Variants in POLA1 observed in about 807,000 individuals in gnomAD.
The protein encoded by POLA1 is DNA polymerase alpha 1, catalytic subunit.
POLA1 carries 15 observed loss-of-function variants against 124.0 expected under a neutral mutation model. That is an observed-to-expected ratio of 0.12 (90% CI 0.08 to 0.19). POLA1 has a LOEUF of 0.19. Among genes scored for constraint, POLA1 ranks in the 10% least tolerant of loss-of-function variants. The pLI is 1.00. For synonymous variants in POLA1, 408 were observed against 389.4 expected, an observed-to-expected ratio of 1.05 and a Z score of -0.56; for missense variants, 886 against 1,103.4, an observed-to-expected ratio of 0.80 and a Z score of 2.79.
intron 36 of POLA1, among the ~76,000 whole-genome samples, chrX:24,967,059 C>T (rs2048231511): frequency 9.0e-6 from 1 of 110,986 alleles, no homozygotes; most frequent in Non-Finnish European, 1.9e-5. Context: ...CTCTAAATGT[C>T]ATGATTCATG....
Position 24,743,346 on chromosome X carries a change from A to C in POLA1, c.2566+17A>C, listed in dbSNP as rs751436991. ...CCAAAGTTGGTAAGGCTGGGCAGTGAATTGGTTTTCTCCCAGTATTAAGGA... is the reference window on the plus strand; with the variant it reads ...CCAAAGTTGGTAAGGCTGGGCAGTGCATTGGTTTTCTCCCAGTATTAAGGA... On this transcript the variant is annotated intron_variant, in intron 23 of 36. Coordinates refer to ENST00000379068, the MANE Select transcript of POLA1 (RefSeq NM_001330360.2). The C allele has an allele frequency of 1.1e-6, 1 of 914,665 alleles. No homozygotes were observed. The highest frequency in any genetic ancestry group is 1.6e-6 in the Non-Finnish European group (1 of 636,664). 75.4% of individuals were successfully genotyped at this position (914,665 alleles called of 1,213,427 possible).
chrX:24,863,959 T>TA (rs1387539500), intron 34 of POLA1, among the ~76,000 whole-genome samples: 1 of 26,885 alleles, frequency 3.7e-5, no homozygotes, highest in Non-Finnish European at 6.4e-5. Context: ...TTTCTGGAAC[T>TA]ATTTATTTAT....
chrX:24,809,374 A>G (rs2045860305), intron 26 of POLA1, among the ~76,000 whole-genome samples: 1 of 111,753 alleles, frequency 8.9e-6, no homozygotes, highest in South Asian at 3.8e-4. Flanking sequence ...GTTCGTCTTA[A>G]TTCACTGAAT....
At chrX:24,983,950 C>A (rs909845209) in intron 36 of POLA1, among the ~76,000 whole-genome samples, 2 of 111,656 alleles carry the variant, frequency 1.8e-5, no homozygotes, top group African/African-American at 6.5e-5. Context: ...TCCCTGCTTC[C>A]GTCTGCAAAA....
chrX:24,739,717 A>T (rs1931519500), intron 20 of POLA1, among the ~76,000 whole-genome samples, 167 bp downstream of exon 20: 2 of 111,869 alleles, frequency 1.8e-5, no homozygotes. Flanking sequence ...AATTATTGTA[A>T]TTGATCAGTT....
At chrX:24,955,422 C>T (rs2147253139) in intron 36 of POLA1, among the ~76,000 whole-genome samples, 1 of 110,252 alleles carries the variant, frequency 9.1e-6, no homozygotes, top group African/African-American at 3.3e-5. Context: ...TCAAGCAGTC[C>T]TCTCACCTTG....
chrX:24,950,267 G>A (rs1451051054), intron 36 of POLA1, among the ~76,000 whole-genome samples: 3 of 112,204 alleles, frequency 2.7e-5, no homozygotes, highest in African/African-American at 6.5e-5. Context: ...AATGGTAGAA[G>A]TGTTCTGTAT....
At chrX:24,905,109 T>C (rs1324550115) in intron 35 of POLA1, among the ~76,000 whole-genome samples, 1 of 106,371 alleles carries the variant, frequency 9.4e-6, no homozygotes, top group African/African-American at 3.5e-5. Context: ...ACCAAAGACA[T>C]GGAGAACTGA....
At chrX:24,959,189 G>A (rs775059206) in intron 36 of POLA1, among the ~76,000 whole-genome samples, 1 of 111,761 alleles carries the variant, frequency 8.9e-6, no homozygotes, top group Non-Finnish European at 1.9e-5. Flanking sequence ...TTTGTGGCCA[G>A]GCACGGTGGC....
At position 24,717,643 on chromosome X, in the gene POLA1, A is replaced by G. The variant is rs772421701; in HGVS notation, c.972A>G (p.Ser324=). The change falls in exon 10 of 37, where the codon TCA becomes TCG. Residue 324 remains serine (S), a synonymous_variant. Transcript: ENST00000379068. ...ATCAAGAAGGTGATAGCAGTTTCTC[A>G]GTGCAAGAAGTTCAAGTGGATTCCA... is the stretch of plus-strand genomic sequence containing the variant. ...DIDQEGDSSF[S]VQEVQVDSSH... is the part of the protein sequence containing the mutation. 6.6e-6 allele frequency: 8 copies of G among 1,206,124 alleles called. No individual in the cohort carries two copies. In the East Asian group the frequency reaches 2.1e-4, roughly 31 times the overall value.
intron 32 of POLA1, among the ~76,000 whole-genome samples, chrX:24,835,937 C>T (rs2046336387): frequency 1.8e-5 from 2 of 111,200 alleles, no homozygotes; most frequent in Admixed American, 1.9e-4. Context: ...CAGAAAAGTA[C>T]ACAAAACCTA....
rs777656002 is a variant in POLA1 at position 24,716,945 on chromosome X, T to A, written c.680T>A (p.Val227Asp). ...AGAAAGGAGCCTCCATTAACTCCTG[T>A]TCCTCTTAAACGTGCTGAATTTGCT... Reference protein sequence around the residue: ...VSRKEPPLTPVPLKRAEFAGD... With the variant: ...VSRKEPPLTPDPLKRAEFAGD... Residue 227 changes from valine to aspartate, a missense_variant, in exon 8 of 37, where the codon GTT (valine) becomes GAT (aspartate). Coordinates refer to ENST00000379068, the MANE Select transcript of POLA1 (RefSeq NM_001330360.2). 1.7e-6 allele frequency: 2 copies of A among 1,191,269 alleles called. No individual in the cohort carries two copies. The highest frequency in any genetic ancestry group is 2.3e-6 in the Non-Finnish European group (2 of 879,843).
chrX:24,975,107 G>T (rs904987842), intron 36 of POLA1, among the ~76,000 whole-genome samples: 2 of 112,219 alleles, frequency 1.8e-5, no homozygotes, highest in African/African-American at 6.5e-5. Flanking sequence ...TGCCTCCCAG[G>T]TTCAAGCAAT....
At chrX:24,875,346 G>T (rs1569346383) in intron 34 of POLA1, among the ~76,000 whole-genome samples, 1 of 111,674 alleles carries the variant, frequency 9.0e-6, no homozygotes, top group East Asian at 2.8e-4. Flanking sequence ...AGTACCAAAG[G>T]CTTGTTCAGC....
rs372929140 is a variant in POLA1, at chrX:24,815,066, T to C, written c.3384T>C (p.Asn1128=). 1.1e-5 allele frequency: 13 copies of C among 1,196,501 alleles called. No individual in the cohort carries two copies. The highest frequency in any genetic ancestry group is 1.5e-5 in the Non-Finnish European group (13 of 888,549). Residue 1128 remains asparagine (N), a synonymous_variant, in exon 30 of 37, where the codon AAT becomes AAC. Transcript: ENST00000379068. ...IQKRLIEIGE[N]VLNGSVPVSQ... ...AGAGGCTGATAGAAATTGGAGAAAA[T>C]GTGCTAAATGGCAGTGTCCCAGTGA...
intron 35 of POLA1, among the ~76,000 whole-genome samples, chrX:24,927,432 A>G (rs757392028): frequency 8.9e-6 from 1 of 111,926 alleles, no homozygotes; most frequent in East Asian, 2.8e-4. Flanking sequence ...CCCCTGTGCC[A>G]GGTATCAAAA....
At chrX:24,771,783 G>A (rs911833158) in intron 26 of POLA1, among the ~76,000 whole-genome samples, 1 of 111,755 alleles carries the variant, frequency 8.9e-6, no homozygotes, top group African/African-American at 3.3e-5. Context: ...GAAAGTGCTA[G>A]TTTTAAAAGT....
intron 26 of POLA1, among the ~76,000 whole-genome samples, chrX:24,783,673 C>G (rs150461863): frequency 0.14 from 15,241 of 111,107 alleles, 985 homozygotes; most frequent in Non-Finnish European, 0.2. Context: ...AAATACCAGG[C>G]CATTCTCAAC....
chrX:24,790,845 G>A (rs1286545032), intron 26 of POLA1, among the ~76,000 whole-genome samples: 1 of 105,495 alleles, frequency 9.5e-6, no homozygotes, highest in Admixed American at 1.0e-4. Context: ...TATCCTGCAA[G>A]TGTATATGAA....
Sources: allele counts gnomAD v4.1 joint callset (sites outside exome capture counted in the v4.1 genomes callset), GRCh38; gene constraint gnomAD v4.1.1; transcripts MANE v1.5; gene names NCBI Gene and HGNC (gene_info 2026-07-23, HGNC 2026-07-21).